MRTO4: variants seen among roughly 807,000 people sequenced by gnomAD.
MRTO4 encodes the protein MRT4 homolog, ribosome maturation factor.
Under a neutral mutation model 28.6 loss-of-function variants are expected in MRTO4, and 7 were observed. The observed-to-expected ratio is 0.24, with a 90% CI of 0.14 to 0.46. The LOEUF is 0.46. MRTO4 is among the 20% of genes least tolerant of loss of function. The pLI, the probability that MRTO4 is intolerant of heterozygous loss-of-function variation, is 0.99. For missense variants in MRTO4, 302 were observed against 298.3 expected (o/e 1.01, Z -0.09); for synonymous variants, 113 against 108.2 (o/e 1.04, Z -0.27).
intron 2 of MRTO4, 124 bp from the exon 3 acceptor site, chr1:19,255,824 C>G: frequency 1.3e-6 from 1 of 753,852 alleles, no homozygotes; most frequent in African/African-American, 1.8e-5. Context: ...AAATTAGAGG[C>G]CTCCAGTTCT....
Position 19,258,989 on chromosome 1 carries a change from G to C in MRTO4, c.*159G>C. 1.0e-6 allele frequency: 1 copy of C among 953,752 alleles called. No individual in the cohort carries two copies. Among genetic ancestry groups the C allele is most frequent in the Non-Finnish European group, 1.5e-6 (1 of 666,734 alleles). 59.1% of individuals were successfully genotyped at this position (953,752 alleles called of 1,614,324 possible). ...TAAAGAATAAAACTGTGGGCCGGGCGCGGTGGCTCACGCCTGGAATCCCAG... is the reference window on the plus strand; with the variant it reads ...TAAAGAATAAAACTGTGGGCCGGGCCCGGTGGCTCACGCCTGGAATCCCAG... On this transcript the variant is annotated 3_prime_UTR_variant, in exon 8 of 8. Transcript: ENST00000330263.
chr1:19,253,153 G>A (rs2093665862), intron 1 of MRTO4, among the ~76,000 whole-genome samples: 1 of 152,212 alleles, frequency 6.6e-6, no homozygotes. Flanking sequence ...TGAAAATGGG[G>A]TGAAGAGATG....
chr1:19,256,972 C>T, intron 3 of MRTO4, 92 bp from the exon 4 acceptor site: 1 of 1,269,788 alleles, frequency 7.9e-7, no homozygotes, highest in Non-Finnish European at 1.1e-6. Flanking sequence ...TGGGCCTGAG[C>T]TCACTGGGGA....
At position 19,259,918 on chromosome 1, in the gene MRTO4, T is replaced by G. The variant is rs1374539659; in HGVS notation, c.*1088T>G. On this transcript the variant is annotated 3_prime_UTR_variant, in exon 8 of 8. Coordinates refer to ENST00000330263, the MANE Select transcript of MRTO4 (RefSeq NM_016183.4). ...CTTGTTCTATTTGCTTTTGTTTGTT[T>G]TTGATTTTTCTGTTTTAAAATTTTA... is the stretch of plus-strand genomic sequence containing the variant. The G allele has an allele frequency of 1.3e-5, 2 of 152,210 alleles. No homozygotes were observed. Among genetic ancestry groups the G allele is most frequent in the African/African-American group, 4.8e-5 (2 of 41,434 alleles). 9.4% of individuals were successfully genotyped at this position (152,210 alleles called of 1,614,324 possible).
At position 19,258,851 on chromosome 1, in the gene MRTO4, T is replaced by G. The variant is rs756848272; in HGVS notation, c.*21T>G. ...ACTGAAAGGGACTCGGGACTGAAGG[T>G]CTCCTGGAAGCTTCTGGGTCTCACT... On this transcript the variant is annotated 3_prime_UTR_variant, in exon 8 of 8. Transcript: ENST00000330263. 1.9e-6 allele frequency: 3 copies of G among 1,610,600 alleles called. No individual in the cohort carries two copies. In the South Asian group the frequency reaches 3.3e-5, roughly 18 times the overall value.
Position 19,251,859 on chromosome 1 carries a change from G to A in MRTO4, c.24G>A (p.Lys8=), listed in dbSNP as rs1245015431. 4 of 1,591,978 alleles carry A rather than the reference G, an allele frequency of 2.5e-6. No homozygotes were observed. The highest frequency in any genetic ancestry group is 3.4e-6 in the Non-Finnish European group (4 of 1,169,878). The part of the protein sequence containing the change: MPKSKRD[K]KVSLTKTAKK... ...CGATGCCCAAATCCAAGCGCGACAA[G>A]AAAGGTGGGCGAAGGGGGAGTCGGG... Residue 8 remains lysine, a synonymous_variant, in exon 1 of 8, where the codon AAG becomes AAA. Coordinates refer to ENST00000330263, the MANE Select transcript of MRTO4 (RefSeq NM_016183.4).
chr1:19,252,180 C>T, intron 1 of MRTO4: 1 of 427,406 alleles, frequency 2.3e-6, no homozygotes, highest in Non-Finnish European at 4.2e-6. Context: ...CCACTTTTCC[C>T]AACTTCGGCC....
intron 5 of MRTO4, 88 bp from the exon 6 acceptor site, chr1:19,257,745 A>C: frequency 6.5e-7 from 1 of 1,541,922 alleles, no homozygotes; most frequent in Non-Finnish European, 8.8e-7. Context: ...GGGAAGGCCC[A>C]GGGCCACGGG....
At position 19,257,500 on chromosome 1, in the gene MRTO4, G is replaced by A. The variant is rs114437725; in HGVS notation, c.320G>A (p.Arg107His). The change falls in exon 5 of 8, where the codon CGC (arginine) becomes CAC (histidine). Residue 107 changes from arginine (R) to histidine (H), a missense_variant. Transcript: ENST00000330263. ...GAGGTGGGTCTCCTGTTCACCAACC[G>A]CACAAAGGAGGAGGTGAATGAGTAA... ...RGEVGLLFTN[R>H]TKEEVNEWFT... is the part of the protein sequence containing the mutation. 732 of 1,614,186 alleles carry A rather than the reference G, an allele frequency of 4.5e-4. 4 individuals are homozygous for A. In the African/African-American group the frequency reaches 8.9e-3, roughly 20 times the overall value.
At chr1:19,254,713 A>C (rs2093668899) in intron 1 of MRTO4, 69 bp from the exon 2 acceptor site, 1 of 1,284,846 alleles carries the variant, frequency 7.8e-7, no homozygotes, top group African/African-American at 1.5e-5. Flanking sequence ...GCCAAAGGGG[A>C]GAAGAAAATA....
chr1:19,257,025 G>C, intron 3 of MRTO4, 39 bp from the exon 4 acceptor site: 1 of 1,598,532 alleles, frequency 6.3e-7, no homozygotes. Context: ...GGAGGGCAGG[G>C]CTCTTCCTTC....
Position 19,257,861 on chromosome 1 carries a change from T to C in MRTO4, c.370T>C (p.Tyr124His). 1 of 1,613,646 alleles carries C rather than the reference T, an allele frequency of 6.2e-7. No individual in the cohort carries two copies. The highest frequency in any genetic ancestry group is 8.5e-7 in the Non-Finnish European group (1 of 1,180,020). ...GTTCACGAAATACACAGAAATGGAC[T>C]ACGCCCGAGCTGGTAACAAAGCAGC... ...EWFTKYTEMD[Y>H]ARAGNKAAFT... The change falls in exon 6 of 8, where the codon TAC becomes CAC. Residue 124 changes from tyrosine to histidine, a missense_variant. Physicochemically the swap from Tyr to His is moderately conservative, Grantham distance 83 (BLOSUM62 2). Transcript: ENST00000330263.
At position 19,258,990 on chromosome 1, in the gene MRTO4, C is replaced by T. The variant is rs996689204; in HGVS notation, c.*160C>T. The T allele has an allele frequency of 3.1e-5, 28 of 894,398 alleles. No individual in the cohort carries two copies. Among genetic ancestry groups the T allele is most frequent in the Admixed American group, 6.0e-5 (2 of 33,318 alleles). The allele number at this position is 894,398 out of a possible 1,614,324, so 55.4% of individuals were successfully genotyped here. ...AAAGAATAAAACTGTGGGCCGGGCG[C>T]GGTGGCTCACGCCTGGAATCCCAGC... is the stretch of plus-strand genomic sequence containing the variant. On this transcript the variant is annotated 3_prime_UTR_variant, in exon 8 of 8. Transcript: ENST00000330263.
chr1:19,254,953 A>T, intron 2 of MRTO4, 113 bp downstream of exon 2: 1 of 874,608 alleles, frequency 1.1e-6, no homozygotes, highest in South Asian at 1.9e-5. Flanking sequence ...GTGGGGAAAA[A>T]AAAAAAATCT....
intron 1 of MRTO4, among the ~76,000 whole-genome samples, 185 bp from the exon 2 acceptor site, chr1:19,254,597 G>A (rs565299059): frequency 5.9e-5 from 9 of 152,314 alleles, no homozygotes; most frequent in African/African-American, 1.9e-4. Flanking sequence ...ATGCTAATGA[G>A]TAGGCATTCC....
chr1:19,256,100 G>T (rs765533994), intron 3 of MRTO4, 49 bp downstream of exon 3: 1 of 1,538,772 alleles, frequency 6.5e-7, no homozygotes. Flanking sequence ...ACCCGGCCAG[G>T]CTGCTCTCAG....
At chr1:19,254,748 C>G in intron 1 of MRTO4, 34 bp from the exon 2 acceptor site, 1 of 1,551,646 alleles carries the variant, frequency 6.4e-7, no homozygotes, top group Non-Finnish European at 8.9e-7. Flanking sequence ...TTAGATTGGT[C>G]TCTCATCATC....
At position 19,258,730 on chromosome 1, in the gene MRTO4, T is replaced by C. The variant is rs1001198351; in HGVS notation, c.620T>C (p.Met207Thr). The change falls in exon 8 of 8, where the codon ATG becomes ACG. Residue 207 changes from methionine (M) to threonine (T), a missense_variant. Physicochemically the swap from Met to Thr is moderately conservative, Grantham distance 81. Transcript: ENST00000330263. ...GAATTCAAGGTGACCATCAAATACA[T>C]GTGGGATTCACAGTCGGGAAGGTTC... ...MAEFKVTIKYMWDSQSGRFQQ... is the reference protein window; with the variant it reads ...MAEFKVTIKYTWDSQSGRFQQ... The C allele has an allele frequency of 6.2e-6, 10 of 1,614,090 alleles. No homozygotes were observed. Among genetic ancestry groups the C allele is most frequent in the African/African-American group, 1.3e-5 (1 of 74,932 alleles).
chr1:19,257,289 CA>C (rs1381089193), intron 4 of MRTO4, 144 bp downstream of exon 4: 4 of 1,177,640 alleles, frequency 3.4e-6, no homozygotes, highest in Non-Finnish European at 5.0e-6. Flanking sequence ...GTTCTCCCTT[CA>C]CCTCCGGACC....
Sources: gnomAD v4.1 joint callset for allele counts (sites outside exome capture counted in the v4.1 genomes callset) on GRCh38, gnomAD v4.1.1 for gene constraint, MANE v1.5 for transcripts, NCBI Gene and HGNC (gene_info 2026-07-23, HGNC 2026-07-21) for gene names.